Variants in CACNA1A observed in about 807,000 individuals in gnomAD.
The protein encoded by CACNA1A is voltage-dependent P/Q-type calcium channel subunit alpha-1A.
Under a neutral mutation model 262.4 loss-of-function variants are expected in CACNA1A, and 57 were observed. The ratio of observed to expected loss-of-function variants is 0.22; its 90% CI spans 0.18 to 0.27. The LOEUF is 0.27. Ranked by LOEUF, CACNA1A falls within the 10% of genes least tolerant of loss-of-function variation. The probability of loss-of-function intolerance (pLI) is 1.00; values close to 1 mark genes in which losing one functional copy is unlikely to be tolerated. For synonymous variants in CACNA1A, 1,431 were observed against 1,419.3 expected, an observed-to-expected ratio of 1.01 and a Z score of -0.18; for missense variants, 2,526 against 3,562.8, an observed-to-expected ratio of 0.71 and a Z score of 7.41.
At chr19:13,480,008 C>T (rs1599347153) in intron 1 of CACNA1A, among the ~76,000 whole-genome samples, 1 of 152,344 alleles carries the variant, frequency 6.6e-6, no homozygotes, top group Admixed American at 6.5e-5. Flanking sequence ...CCCAAAGAGA[C>T]AGTATTTACT....
chr19:13,334,561 TTGTGTGTG>T (rs1196739807), intron 7 of CACNA1A, 68 bp from the exon 8 acceptor site: 19 of 312,654 alleles, frequency 6.1e-5, no homozygotes, highest in South Asian at 5.3e-4. Context: ...GTGTGTGTGT[TTGTGTGTG>T]TGTGTGTGTG....
intron 21 of CACNA1A, 107 bp from the exon 22 acceptor site, chr19:13,283,503 C>A: frequency 7.0e-7 from 1 of 1,419,126 alleles, no homozygotes; most frequent in Admixed American, 2.0e-5. Context: ...CTCCAACCCC[C>A]AAGGCCTCCT....
intron 38 of CACNA1A, among the ~76,000 whole-genome samples, chr19:13,215,977 G>A (rs902723093): frequency 4.6e-5 from 7 of 152,152 alleles, no homozygotes; most frequent in African/African-American, 1.4e-4. Context: ...CTAGAGTGCC[G>A]TGGCACAAAC....
Position 13,308,176 on chromosome 19 carries a change from G to A in CACNA1A, c.1857C>T (p.Leu619=). 3 of 1,614,008 alleles carry A rather than the reference G, an allele frequency of 1.9e-6. No homozygotes were observed. Among genetic ancestry groups the A allele is most frequent in the Non-Finnish European group, 2.5e-6 (3 of 1,179,876 alleles). ...CGAAGACGACAATGAACAGGAAAAG[G>A]AGAAACAACAGGCTGATGATGGACT... ...SMKSIISLLF[L]LFLFIVVFAL... Residue 619 remains leucine (L), a synonymous_variant, in exon 14 of 47, where the codon CTC becomes CTT. Coordinates refer to ENST00000360228, the MANE Select transcript of CACNA1A (RefSeq NM_001127222.2). This position sits in a 1 kb window ranked among gnomAD's most constrained non-coding sequence, Gnocchi z 4.2.
At chr19:13,457,855 A>G (rs966905170) in intron 1 of CACNA1A, among the ~76,000 whole-genome samples, 11 of 140,666 alleles carry the variant, frequency 7.8e-5, no homozygotes, top group South Asian at 6.4e-4. Flanking sequence ...CTCCGTTTCA[A>G]AAAAAAAAAA....
At chr19:13,365,985 A>C (rs2059203566) in intron 4 of CACNA1A, 1 of 149,060 alleles carries the variant, frequency 6.7e-6, no homozygotes, top group Non-Finnish European at 1.5e-5. Context: ...TATTATTATT[A>C]TTTATTTTAT....
intron 37 of CACNA1A, 108 bp downstream of exon 37, chr19:13,227,323 G>A: frequency 1.9e-6 from 1 of 526,432 alleles, no homozygotes; most frequent in South Asian, 2.9e-5. Flanking sequence ...AGAAACGTTG[G>A]AAAAAGAGAG....
At chr19:13,239,304 G>C (rs372591355) in intron 31 of CACNA1A, among the ~76,000 whole-genome samples, 5 of 152,150 alleles carry the variant, frequency 3.3e-5, no homozygotes, top group African/African-American at 1.2e-4. Flanking sequence ...CCCCTCACAG[G>C]TTCCGTCCCA....
At chr19:13,293,208 T>C (rs553992708) in intron 19 of CACNA1A, among the ~76,000 whole-genome samples, 1 of 152,106 alleles carries the variant, frequency 6.6e-6, no homozygotes, top group African/African-American at 2.4e-5. Flanking sequence ...GAGTACTTAA[T>C]AATATTCATA....
chr19:13,480,234 A>C (rs990714506), intron 1 of CACNA1A, among the ~76,000 whole-genome samples: 19 of 151,636 alleles, frequency 1.3e-4, no homozygotes, highest in African/African-American at 4.6e-4. Flanking sequence ...TTCCACCTCC[A>C]CCTCTGCCAC....
At chr19:13,210,526 A>G (rs1017221776) in intron 44 of CACNA1A, 91 bp downstream of exon 44, 23 of 1,147,080 alleles carry the variant, frequency 2.0e-5, no homozygotes, top group Non-Finnish European at 2.9e-5. Flanking sequence ...GGGTCCGGGG[A>G]CGGTGAGAGA....
rs1271824887 is a variant in CACNA1A at position 13,212,155 on chromosome 19, A to G, written c.6251T>C (p.Met2084Thr). The change falls in exon 43 of 47, where the codon ATG becomes ACG. Residue 2084 changes from methionine to threonine, a missense_variant. Met to Thr is a moderately conservative substitution (Grantham distance 81). This residue lies in a region of CACNA1A where 929 missense variants were observed against 868.1 expected (regional missense o/e 1.07). Coordinates refer to ENST00000360228, the MANE Select transcript of CACNA1A (RefSeq NM_001127222.2). This position sits in a 1 kb window ranked among gnomAD's most constrained non-coding sequence, Gnocchi z 5.6. ...GGAGGCAGCCCGGCCCTGGCCTTCCATGGGGAGGTAGTGCTCGCTGTCGGA... is the reference window on the plus strand; with the variant it reads ...GGAGGCAGCCCGGCCCTGGCCTTCCGTGGGGAGGTAGTGCTCGCTGTCGGA... Reference protein sequence around the residue: ...GYSDSEHYLPMEGQGRAASMP... With the variant: ...GYSDSEHYLPTEGQGRAASMP... 6.2e-7 allele frequency: 1 copy of G among 1,613,810 alleles called. No homozygotes were observed. Among genetic ancestry groups the G allele is most frequent in the South Asian group, 1.1e-5 (1 of 91,072 alleles).
At chr19:13,437,792 C>G (rs1372428299) in intron 3 of CACNA1A, among the ~76,000 whole-genome samples, 1 of 152,038 alleles carries the variant, frequency 6.6e-6, no homozygotes, top group Non-Finnish European at 1.5e-5. Flanking sequence ...GCCTCTGCCC[C>G]CACCTGAGCC....
chr19:13,450,829 C>T (rs969608667), intron 3 of CACNA1A: 1 of 152,106 alleles, frequency 6.6e-6, no homozygotes, highest in Non-Finnish European at 1.5e-5. Context: ...GCTTTATACA[C>T]TTTTAATTTT....
At chr19:13,275,717 T>C (rs2057130461) in intron 24 of CACNA1A, 133 bp downstream of exon 24, 1 of 694,574 alleles carries the variant, frequency 1.4e-6, no homozygotes, top group South Asian at 1.5e-5. Context: ...GGTGGCATGC[T>C]GATATCTCCC....
chr19:13,341,324 G>A (rs1411374705), intron 6 of CACNA1A, among the ~76,000 whole-genome samples: 1 of 17,764 alleles, frequency 5.6e-5, no homozygotes, highest in African/African-American at 1.5e-4. Flanking sequence ...ATGGTCTGTG[G>A]CCCAGCTGAC....
chr19:13,471,791 G>A (rs569256226), intron 1 of CACNA1A, among the ~76,000 whole-genome samples: 2 of 152,152 alleles, frequency 1.3e-5, no homozygotes, highest in Non-Finnish European at 2.9e-5. Flanking sequence ...ATACCGGGAG[G>A]GGAGGATGAG....
intron 22 of CACNA1A, among the ~76,000 whole-genome samples, chr19:13,280,036 TG>T (rs909918475): frequency 2.0e-5 from 3 of 152,166 alleles, no homozygotes; most frequent in African/African-American, 7.2e-5. Context: ...CTCAAACTCC[TG>T]ACCTCAGGTG....
chr19:13,210,503 C>G (rs2054767579), intron 44 of CACNA1A, 114 bp downstream of exon 44: 1 of 925,660 alleles, frequency 1.1e-6, no homozygotes. Context: ...GTGCGATTGC[C>G]AAAGAAAGGG....
Sources: gnomAD v4.1 joint callset for allele counts (sites outside exome capture counted in the v4.1 genomes callset) on GRCh38, gnomAD v4.1.1 for gene constraint, gnomAD v4.1.1 regional missense constraint, Gnocchi (gnomAD v3.1) non-coding constraint, MANE v1.5 for transcripts, NCBI Gene and HGNC (gene_info 2026-07-23, HGNC 2026-07-21) for gene names.